The following DPYD variants were observed in gnomAD, a reference collection of about 807,000 sequenced individuals.
DPYD encodes dihydropyrimidine dehydrogenase.
A neutral mutation model predicts 116.2 loss-of-function variants in DPYD; 109 were observed. The observed-to-expected ratio is 0.94, with a 90% CI of 0.80 to 1.10. The LOEUF (loss-of-function observed/expected upper bound fraction) is 1.10. DPYD is among the 50% of genes least tolerant of loss of function. The pLI, the probability that DPYD is intolerant of heterozygous loss-of-function variation, is 0.00. For missense variants in DPYD, 1,302 were observed against 1,254.5 expected (o/e 1.04, Z -0.57); for synonymous variants, 440 against 432.0 (o/e 1.02, Z -0.23).
chr1:97,736,837 T>G, intron 4 of DPYD, among the ~76,000 whole-genome samples: 1 of 142,818 alleles, frequency 7.0e-6, no homozygotes, highest in Admixed American at 7.3e-5. Context: ...GGTGGGGGTG[T>G]GTGTGTGTGC....
chr1:97,713,602 T>C (rs1252390750), intron 5 of DPYD, among the ~76,000 whole-genome samples: 2 of 152,154 alleles, frequency 1.3e-5, no homozygotes, highest in Admixed American at 1.3e-4. Context: ...ACATTATTCT[T>C]TTCTATTAAT....
chr1:97,242,158 A>C (rs1452120782), intron 18 of DPYD, among the ~76,000 whole-genome samples: 2 of 119,620 alleles, frequency 1.7e-5, no homozygotes, highest in Non-Finnish European at 3.6e-5. Context: ...ATATATATAT[A>C]TATATATATA....
intron 3 of DPYD, among the ~76,000 whole-genome samples, chr1:97,766,165 C>A (rs1665844293): frequency 6.6e-6 from 1 of 152,006 alleles, no homozygotes; most frequent in Admixed American, 6.6e-5. Flanking sequence ...TGCTTGAACC[C>A]AGGAGATGGA....
At chr1:97,484,492 G>A (rs1007177569) in intron 13 of DPYD, among the ~76,000 whole-genome samples, 7 of 152,128 alleles carry the variant, frequency 4.6e-5, no homozygotes, top group South Asian at 4.2e-4. Flanking sequence ...ATATTGGTGC[G>A]GGTCTTTCTT....
At chr1:97,301,621 C>A (rs548405910) in intron 18 of DPYD, among the ~76,000 whole-genome samples, 1 of 151,922 alleles carries the variant, frequency 6.6e-6, no homozygotes, top group African/African-American at 2.4e-5. Context: ...GGAACAACAA[C>A]GAAAACTTCA....
At chr1:97,393,948 C>T (rs1291366326) in intron 14 of DPYD, among the ~76,000 whole-genome samples, 1 of 152,142 alleles carries the variant, frequency 6.6e-6, no homozygotes, top group East Asian at 1.9e-4. Context: ...TCCTCTCCAG[C>T]ACCTGTTGTT....
At chr1:97,534,577 G>T (rs1311541367) in intron 12 of DPYD, among the ~76,000 whole-genome samples, 1 of 151,706 alleles carries the variant, frequency 6.6e-6, no homozygotes, top group South Asian at 2.1e-4. Context: ...ATTTTTTATG[G>T]ATGTTATTCT....
chr1:97,384,748 A>C (rs1384057030), intron 14 of DPYD, among the ~76,000 whole-genome samples: 3 of 152,142 alleles, frequency 2.0e-5, no homozygotes, highest in Non-Finnish European at 4.4e-5. Context: ...AGAAGGAAGC[A>C]AAAGATCTGA....
At chr1:97,284,466 A>G (rs1376422136) in intron 18 of DPYD, among the ~76,000 whole-genome samples, 1 of 152,124 alleles carries the variant, frequency 6.6e-6, no homozygotes, top group African/African-American at 2.4e-5. Context: ...TATGTTAATA[A>G]TGTTCATAAT....
intron 4 of DPYD, among the ~76,000 whole-genome samples, chr1:97,726,236 G>A (rs1011491305): frequency 1.3e-5 from 2 of 151,438 alleles, no homozygotes; most frequent in African/African-American, 4.8e-5. Flanking sequence ...ACAGAAGTGA[G>A]CCAATGGTTC....
chr1:97,229,580 AT>A lies in DPYD; in HGVS notation c.2442+5271del, dbSNP rs1557956368. 9.7e-3 allele frequency among the ~76,000 whole-genome samples: 656 copies of A among 67,940 alleles called. 13 individuals carry two copies. The highest frequency in any genetic ancestry group is 0.025 in the African/African-American group (584 of 23,516). 44.6% of individuals were successfully genotyped at this position (67,940 alleles called of 152,430 possible). A position where few individuals can be genotyped will look rare whatever the true frequency, so the allele number is the denominator to read the frequency against. ...TATATATATATATATATATATATATATATATATATACTGATTTTAATTCATA... is the reference window on the plus strand; with the variant it reads ...TATATATATATATATATATATATATAATATATATACTGATTTTAATTCATA... On this transcript the variant is annotated intron_variant, in intron 19 of 22. Transcript: ENST00000370192.
At chr1:97,474,303 T>C (rs1677828416) in intron 13 of DPYD, among the ~76,000 whole-genome samples, 1 of 151,922 alleles carries the variant, frequency 6.6e-6, no homozygotes, top group Non-Finnish European at 1.5e-5. Context: ...CACAATGAAA[T>C]GTAAATGCCA....
intron 5 of DPYD, among the ~76,000 whole-genome samples, chr1:97,702,682 T>C (rs1243744910): frequency 6.6e-6 from 1 of 151,926 alleles, no homozygotes; most frequent in Non-Finnish European, 1.5e-5. Context: ...CATTCACTCA[T>C]AAGCAAGAAA....
intron 8 of DPYD, among the ~76,000 whole-genome samples, chr1:97,605,941 A>T (rs943430974): frequency 7.9e-5 from 12 of 152,112 alleles, no homozygotes; most frequent in African/African-American, 2.9e-4. Flanking sequence ...ACAACAATGA[A>T]AACTATGGAC....
chr1:97,743,853 T>TCCC (rs1412251925), intron 3 of DPYD, among the ~76,000 whole-genome samples: 2 of 152,086 alleles, frequency 1.3e-5, no homozygotes, highest in African/African-American at 2.4e-5. Context: ...AGTTACTCTG[T>TCCC]TATAGTGCAG....
At chr1:97,145,754 T>G (rs973656201) in intron 20 of DPYD, among the ~76,000 whole-genome samples, 1 of 152,066 alleles carries the variant, frequency 6.6e-6, no homozygotes, top group African/African-American at 2.4e-5. Context: ...TTTTTTTTTT[T>G]TTTTTTGGCA....
chr1:97,505,884 G>A (rs2811182), intron 13 of DPYD, among the ~76,000 whole-genome samples: 92,437 of 151,774 alleles, frequency 0.61, 28,313 homozygotes, highest in East Asian at 0.75. Context: ...ATGCAAATGA[G>A]GAAAGCAGGG....
chr1:97,425,289 G>T (rs1674800418), intron 14 of DPYD, among the ~76,000 whole-genome samples: 1 of 152,020 alleles, frequency 6.6e-6, no homozygotes, highest in South Asian at 2.1e-4. Flanking sequence ...AACAGATTAT[G>T]AAAGTGATCT....
intron 18 of DPYD, among the ~76,000 whole-genome samples, chr1:97,259,167 G>A (rs1663707015): frequency 6.6e-6 from 1 of 152,020 alleles, no homozygotes; most frequent in Non-Finnish European, 1.5e-5. Context: ...GGTATCTCCA[G>A]TACTGTAAAA....
Sources: allele counts gnomAD v4.1 joint callset (sites outside exome capture counted in the v4.1 genomes callset), GRCh38; gene constraint gnomAD v4.1.1; transcripts MANE v1.5; gene names NCBI Gene and HGNC (gene_info 2026-07-23, HGNC 2026-07-21).